LRP1B: variants seen among roughly 807,000 people sequenced by gnomAD.
The protein encoded by LRP1B is low-density lipoprotein receptor-related protein 1B.
Under a neutral mutation model 556.6 loss-of-function variants are expected in LRP1B, and 217 were observed. That is an observed-to-expected ratio of 0.39 (90% CI 0.35 to 0.44). The LOEUF is 0.44. Ranked by LOEUF, LRP1B falls within the 20% of genes least tolerant of loss-of-function variation. The probability of loss-of-function intolerance (pLI) is 1.00; values close to 1 mark genes in which losing one functional copy is unlikely to be tolerated. For synonymous variants in LRP1B, 2,047 were observed against 1,865.8 expected (o/e 1.10, Z -2.50); for missense variants, 5,053 against 5,620.8 (o/e 0.90, Z 3.23).
chr2:141,607,370 T>C (rs1173509128), intron 2 of LRP1B, among the ~76,000 whole-genome samples: 1 of 152,186 alleles, frequency 6.6e-6, no homozygotes, highest in African/African-American at 2.4e-5. Context: ...GGCTGCTTCC[T>C]GACACATCCT....
chr2:140,340,837 T>G (rs1282157219), intron 77 of LRP1B, among the ~76,000 whole-genome samples: 1 of 151,492 alleles, frequency 6.6e-6, no homozygotes, highest in Admixed American at 6.6e-5. Context: ...TAATTACATG[T>G]GTTCAGTTTG....
At chr2:141,381,741 A>G (rs1246112636) in intron 3 of LRP1B, among the ~76,000 whole-genome samples, 2 of 152,196 alleles carry the variant, frequency 1.3e-5, no homozygotes, top group African/African-American at 4.8e-5. Context: ...TAATATACTC[A>G]GAGTCCTGGA....
chr2:140,995,689 C>T (rs1026239431), intron 15 of LRP1B, among the ~76,000 whole-genome samples: 11 of 151,932 alleles, frequency 7.2e-5, no homozygotes, highest in Non-Finnish European at 1.5e-4. Context: ...CTTTGCTGTT[C>T]TGCAAATAGG....
intron 3 of LRP1B, among the ~76,000 whole-genome samples, chr2:141,429,389 C>G (rs1237241780): frequency 2.0e-5 from 3 of 152,058 alleles, no homozygotes; most frequent in Non-Finnish European, 4.4e-5. Context: ...TTGAATGACA[C>G]AATTAGAGAA....
At chr2:140,910,177 A>G (rs2105236387) in intron 21 of LRP1B, among the ~76,000 whole-genome samples, 1 of 151,790 alleles carries the variant, frequency 6.6e-6, no homozygotes, top group Admixed American at 6.6e-5. Flanking sequence ...TTAATGTAAT[A>G]GTAGTTAAAA....
At chr2:140,799,833 T>C (rs11694763) in intron 32 of LRP1B, among the ~76,000 whole-genome samples, 68,182 of 151,862 alleles carry the variant, frequency 0.45, 17,095 homozygotes, top group East Asian at 0.66. Flanking sequence ...GCCTGAGTGA[T>C]GCAGAAGACG....
At chr2:141,082,657 A>G (rs991153220) in intron 7 of LRP1B, among the ~76,000 whole-genome samples, 2 of 152,206 alleles carry the variant, frequency 1.3e-5, no homozygotes, top group African/African-American at 4.8e-5. Flanking sequence ...ACCTCACTGA[A>G]GGCTTTACCA....
chr2:141,639,349 T>TACACATACACAC (rs1689235011), intron 2 of LRP1B, among the ~76,000 whole-genome samples: 10 of 56,098 alleles, frequency 1.8e-4, no homozygotes, highest in African/African-American at 6.7e-4. Flanking sequence ...TATATATATA[T>TACACATACACAC]ACACACACAC....
In LRP1B at chr2:141,331,522, C is replaced by CTTTCTTTCTT. The variant is rs10694161; in HGVS notation, c.344-76882_344-76881insAAGAAAGAAA. 1.4e-3 allele frequency among the ~76,000 whole-genome samples: 204 copies of CTTTCTTTCTT among 140,816 alleles called. 5 individuals are homozygous for CTTTCTTTCTT. The highest frequency in any genetic ancestry group is 3.8e-3 in the South Asian group (17 of 4,472). The allele number at this position is 140,816 out of a possible 152,430, so 92.4% of individuals were successfully genotyped here. Reference sequence around the variant, plus strand: ...TCTTTCCTTCTTTCTTTCTTTCTTTCTCTTTCTTTCTTTCTTTCTTTCTTT... The same window carrying CTTTCTTTCTT: ...TCTTTCCTTCTTTCTTTCTTTCTTTCTTTCTTTCTTTCTTTCTTTCTTTCTTTCTTTCTTT... On this transcript the variant is annotated intron_variant, in intron 3 of 90. Coordinates refer to ENST00000389484, the MANE Select transcript of LRP1B (RefSeq NM_018557.3).
chr2:141,394,396 C>T (rs578051226), intron 3 of LRP1B, among the ~76,000 whole-genome samples: 2 of 152,048 alleles, frequency 1.3e-5, no homozygotes, highest in East Asian at 1.9e-4. Context: ...AAACCTGCTT[C>T]GATAGTAAAC....
chr2:140,779,818 T>C (rs1378736862), intron 32 of LRP1B, among the ~76,000 whole-genome samples: 1 of 148,252 alleles, frequency 6.7e-6, no homozygotes, highest in Non-Finnish European at 1.5e-5. Context: ...TATCATAAAT[T>C]TACCTCCCAT....
In LRP1B at chr2:140,232,935, GGT is replaced by G. The variant is rs1241564898; in HGVS notation, c.*249_*250del. ...TGTTTTTAATTTTAACAAATTCAAA[GGT>G]GTGTCATATCAGCAGCATTGTTGTA... On this transcript the variant is annotated 3_prime_UTR_variant, in exon 91 of 91. Coordinates refer to ENST00000389484, the MANE Select transcript of LRP1B (RefSeq NM_018557.3). The G allele has an allele frequency of 3.4e-6, 1 of 296,360 alleles. No individual in the cohort carries two copies. Among genetic ancestry groups the G allele is most frequent in the Non-Finnish European group, 6.2e-6 (1 of 162,484 alleles). The allele number at this position is 296,360 out of a possible 1,614,324, so 18.4% of individuals were successfully genotyped here.
chr2:140,508,014 T>C (rs72901728), intron 52 of LRP1B, among the ~76,000 whole-genome samples: 23,666 of 152,182 alleles, frequency 0.16, 2,306 homozygotes, highest in Non-Finnish European at 0.22. Flanking sequence ...AGGTGCTCTT[T>C]AAACTCCTAT....
Position 140,947,254 on chromosome 2 carries a change from C to T in LRP1B, c.3136+2981G>A, listed in dbSNP as rs187353278. ...ACTTAAATTTAGAAATTTTCTGAAA[C>T]GAAGATTATATATGGAATGTTCCAT... On this transcript the variant is annotated intron_variant, in intron 20 of 90. Transcript: ENST00000389484. 3.0e-4 allele frequency among the ~76,000 whole-genome samples: 46 copies of T among 152,130 alleles called. 1 individual carries two copies. Among genetic ancestry groups the T allele is most frequent in the African/African-American group, 8.2e-4 (34 of 41,498 alleles).
rs1005741652 is a variant in LRP1B at position 141,049,157 on chromosome 2, A to C, written c.1618T>G (p.Leu540Val). 1 of 1,613,604 alleles carries C rather than the reference A, an allele frequency of 6.2e-7. No homozygotes were observed. Among genetic ancestry groups the C allele is most frequent in the African/African-American group, 1.3e-5 (1 of 75,006 alleles). The change falls in exon 11 of 91, where the codon TTG becomes GTG. Residue 540 changes from leucine (L) to valine (V), a missense_variant. Transcript: ENST00000389484. ...TATTCATCAGCTATCTTGGTATTCA[A>C]GTCCATTCCTCTAACAATTCCTGGG... The part of the protein sequence containing the change: ...GRPGIVRGMD[L>V]NTKIADEYMI...
chr2:140,934,129 A>G (rs1436833428), intron 20 of LRP1B, among the ~76,000 whole-genome samples: 1 of 152,134 alleles, frequency 6.6e-6, no homozygotes, highest in African/African-American at 2.4e-5. Flanking sequence ...CTAAAATTAG[A>G]ACTTAAGTTT....
intron 55 of LRP1B, among the ~76,000 whole-genome samples, chr2:140,501,430 T>C (rs1366511551): frequency 6.6e-6 from 1 of 151,974 alleles, no homozygotes; most frequent in Non-Finnish European, 1.5e-5. Context: ...TGATCACTAG[T>C]CTTCCCTGGT....
chr2:141,770,141 A>G lies in LRP1B; in HGVS notation c.205+40138T>C, dbSNP rs529039133. Among the ~76,000 whole-genome samples, 373 of 152,006 alleles carry G rather than the reference A, an allele frequency of 2.5e-3. 3 individuals carry two copies. Among genetic ancestry groups the G allele is most frequent in the African/African-American group, 8.7e-3 (362 of 41,484 alleles). On this transcript the variant is annotated intron_variant, in intron 2 of 90. Transcript: ENST00000389484. ...TACTCCAATTTCAACTTTATTTACC[A>G]GAAATGCTGGCTACTTTTCTTTTTT...
At chr2:142,090,710 C>G (rs1005910476) in intron 1 of LRP1B, among the ~76,000 whole-genome samples, 9 of 152,048 alleles carry the variant, frequency 5.9e-5, no homozygotes, top group Non-Finnish European at 1.2e-4. Context: ...ATACAAAGTA[C>G]TATCCACCTG....
Sources: allele counts gnomAD v4.1 joint callset (sites outside exome capture counted in the v4.1 genomes callset), GRCh38; gene constraint gnomAD v4.1.1; transcripts MANE v1.5; gene names NCBI Gene and HGNC (gene_info 2026-07-23, HGNC 2026-07-21).